Variants in VWC2L observed in about 807,000 individuals in gnomAD.
The protein encoded by VWC2L is von Willebrand factor C domain containing 2 like, also known as von Willebrand factor C domain-containing protein 2-like.
In VWC2L, 10 loss-of-function variants were observed where a neutral mutation model predicts 21.6. The observed-to-expected ratio is 0.46, with a 90% CI of 0.29 to 0.78. VWC2L has a LOEUF of 0.78. Ranked by LOEUF, VWC2L falls within the 30% of genes least tolerant of loss-of-function variation. The pLI, the probability that VWC2L is intolerant of heterozygous loss-of-function variation, is 0.10. For synonymous variants in VWC2L, 96 were observed against 94.3 expected (o/e 1.02, Z -0.10); for missense variants, 209 against 277.1 (o/e 0.75, Z 1.74).
At chr2:214,560,382 G>T (rs1689947737) in intron 3 of VWC2L, among the ~76,000 whole-genome samples, 1 of 152,084 alleles carries the variant, frequency 6.6e-6, no homozygotes, top group Non-Finnish European at 1.5e-5. Context: ...GGGTGGGCGT[G>T]TCTGTCTGTA....
intron 2 of VWC2L, 56 bp downstream of exon 2, chr2:214,414,639 G>A: frequency 6.5e-7 from 1 of 1,546,650 alleles, no homozygotes. Flanking sequence ...CACGTGCTTA[G>A]TACATTGCTA....
rs144902568 is a variant in VWC2L, at chr2:214,531,446, C to T, written c.521-44226C>T. 2.3e-3 allele frequency among the ~76,000 whole-genome samples: 347 copies of T among 152,246 alleles called. 1 individual carries two copies. The highest frequency in any genetic ancestry group is 3.9e-3 in the Admixed American group (59 of 15,284). On this transcript the variant is annotated intron_variant, in intron 3 of 3. Transcript: ENST00000312504. ...GAAGAACAGGTAGTTCATTCTAGCT[C>T]AGTAGAGAAACGTGAAAACAAAAGG...
At chr2:214,474,023 A>G (rs1201764267) in intron 3 of VWC2L, among the ~76,000 whole-genome samples, 1 of 152,126 alleles carries the variant, frequency 6.6e-6, no homozygotes, top group African/African-American at 2.4e-5. Flanking sequence ...CTTCTTAAAG[A>G]TGTCATGGCA....
chr2:214,463,741 C>T (rs922579134), intron 3 of VWC2L, among the ~76,000 whole-genome samples: 1 of 152,078 alleles, frequency 6.6e-6, no homozygotes, highest in Non-Finnish European at 1.5e-5. Flanking sequence ...TTACAGTATA[C>T]ATCTTTAGCT....
intron 3 of VWC2L, among the ~76,000 whole-genome samples, chr2:214,535,012 G>C (rs1438324858): frequency 2.0e-5 from 3 of 152,010 alleles, no homozygotes; most frequent in Non-Finnish European, 4.4e-5. Flanking sequence ...TGAAAATACT[G>C]CAAAAACGGA....
At position 214,472,048 on chromosome 2, in the gene VWC2L, T is replaced by A. The variant is rs575886052; in HGVS notation, c.520+35290T>A. Reference sequence around the variant, plus strand: ...TGTTTGGAGGAACTTCTTAGTGACATGATGGCTGGCAGCAGGTACAGGCTT... The same window carrying A: ...TGTTTGGAGGAACTTCTTAGTGACAAGATGGCTGGCAGCAGGTACAGGCTT... On this transcript the variant is annotated intron_variant, in intron 3 of 3. Coordinates refer to ENST00000312504, the MANE Select transcript of VWC2L (RefSeq NM_001080500.4). 4 of 152,224 alleles carry A rather than the reference T, an allele frequency of 2.6e-5. No individual in the cohort carries two copies. The East Asian group carries it at 7.7e-4, about 29-fold the overall frequency. 9.4% of individuals were successfully genotyped at this position (152,224 alleles called of 1,614,324 possible).
chr2:214,462,546 C>G (rs1703158815), intron 3 of VWC2L, among the ~76,000 whole-genome samples: 1 of 152,236 alleles, frequency 6.6e-6, no homozygotes, highest in Non-Finnish European at 1.5e-5. Context: ...GAAGCCCCCT[C>G]TCATTCTTGA....
chr2:214,496,139 G>A (rs538304421), intron 3 of VWC2L, among the ~76,000 whole-genome samples: 42 of 150,918 alleles, frequency 2.8e-4, no homozygotes, highest in Admixed American at 9.3e-4. Context: ...CTACAAACCT[G>A]TATAGTATAA....
intron 3 of VWC2L, among the ~76,000 whole-genome samples, chr2:214,450,335 A>C (rs539957413): frequency 6.6e-6 from 1 of 152,300 alleles, no homozygotes; most frequent in African/African-American, 2.4e-5. Context: ...GTCATCAGAG[A>C]GGGACAGAAA....
intron 3 of VWC2L, among the ~76,000 whole-genome samples, chr2:214,561,378 C>G (rs977580353): frequency 7.2e-5 from 11 of 152,148 alleles, no homozygotes; most frequent in Non-Finnish European, 1.2e-4. Flanking sequence ...TTCTTCTAGG[C>G]TGGTGCTATG....
At position 214,436,722 on chromosome 2, in the gene VWC2L, T is replaced by C. The variant is rs1702684250; in HGVS notation, c.484T>C (p.Tyr162His). ...CAVPECVNPVYEPEQCCPVCK... is the reference protein window; with the variant it reads ...CAVPECVNPVHEPEQCCPVCK... ...AGTTCCTGAGTGTGTCAACCCAGTC[T>C]ATGAACCAGAACAATGTTGTCCTGT... Residue 162 changes from tyrosine to histidine, a missense_variant, in exon 3 of 4, where the codon TAT (tyrosine) becomes CAT (histidine). Transcript: ENST00000312504. 5 of 1,613,388 alleles carry C rather than the reference T, an allele frequency of 3.1e-6. No homozygotes were observed. The highest frequency in any genetic ancestry group is 3.4e-6 in the Non-Finnish European group (4 of 1,179,458).
At chr2:214,442,799 G>T (rs1702781765) in intron 3 of VWC2L, among the ~76,000 whole-genome samples, 1 of 152,014 alleles carries the variant, frequency 6.6e-6, no homozygotes, top group South Asian at 2.1e-4. Context: ...CTAAAAAAAT[G>T]AAGCTAAAAA....
At chr2:214,575,137 T>C (rs1225180680) in intron 3 of VWC2L, among the ~76,000 whole-genome samples, 1 of 151,244 alleles carries the variant, frequency 6.6e-6, no homozygotes, top group Non-Finnish European at 1.5e-5. Flanking sequence ...GAATAAATCA[T>C]CTGGTCATGA....
chr2:214,515,425 G>T (rs1482274940), intron 3 of VWC2L, among the ~76,000 whole-genome samples: 4 of 152,244 alleles, frequency 2.6e-5, no homozygotes, highest in African/African-American at 9.6e-5. Flanking sequence ...TCCTGTGTGC[G>T]GCTGTATCAC....
chr2:214,453,725 C>CT (rs33937313), intron 3 of VWC2L, among the ~76,000 whole-genome samples: 90,305 of 142,420 alleles, frequency 0.63, 28,693 homozygotes, highest in East Asian at 0.72. Flanking sequence ...AATTTTTTTT[C>CT]TTTTTTTTTT....
intron 3 of VWC2L, among the ~76,000 whole-genome samples, chr2:214,498,968 G>A (rs1370108015): frequency 1.4e-5 from 2 of 147,102 alleles, no homozygotes; most frequent in African/African-American, 5.1e-5. Context: ...GGGGATTTAT[G>A]GATACCTTCA....
intron 3 of VWC2L, among the ~76,000 whole-genome samples, chr2:214,562,242 T>A (rs1049708513): frequency 1.3e-5 from 2 of 152,050 alleles, no homozygotes; most frequent in Non-Finnish European, 2.9e-5. Context: ...GAACATGCAG[T>A]GTTTGGTTTT....
intron 3 of VWC2L, among the ~76,000 whole-genome samples, chr2:214,437,831 A>G (rs143078948): frequency 6.6e-6 from 1 of 152,150 alleles, no homozygotes; most frequent in African/African-American, 2.4e-5. Context: ...TATTTCTGAT[A>G]ATAATTTTTT....
intron 3 of VWC2L, among the ~76,000 whole-genome samples, chr2:214,573,280 C>A (rs1474973435): frequency 6.6e-6 from 1 of 152,038 alleles, no homozygotes; most frequent in African/African-American, 2.4e-5. Context: ...CACGCTCACA[C>A]GGTTAAGATT....
Sources: allele counts gnomAD v4.1 joint callset (sites outside exome capture counted in the v4.1 genomes callset), GRCh38; gene constraint gnomAD v4.1.1; transcripts MANE v1.5; gene names NCBI Gene and HGNC (gene_info 2026-07-23, HGNC 2026-07-21).